VPS13A: variants seen among roughly 807,000 people sequenced by gnomAD.
VPS13A encodes the protein vacuolar protein sorting 13 homolog A.
In VPS13A, 264 loss-of-function variants were observed where a neutral mutation model predicts 390.9. That is an observed-to-expected ratio of 0.68 (90% CI 0.61 to 0.75). The LOEUF (loss-of-function observed/expected upper bound fraction) is 0.75. VPS13A is among the 30% of genes least tolerant of loss of function. VPS13A has a pLI of 0.00. For missense variants in VPS13A, 3,409 were observed against 3,733.9 expected, an observed-to-expected ratio of 0.91 and a Z score of 2.27; for synonymous variants, 1,231 against 1,227.1, an observed-to-expected ratio of 1.00 and a Z score of -0.07.
intron 26 of VPS13A, among the ~76,000 whole-genome samples, chr9:77,278,048 G>GT (rs1411404894): frequency 2.0e-5 from 3 of 151,734 alleles, no homozygotes; most frequent in Non-Finnish European, 4.4e-5. Flanking sequence ...CAGTTACTAA[G>GT]TTTTTTTTAT....
At chr9:77,327,728 T>A (rs1830083070) in intron 45 of VPS13A, among the ~76,000 whole-genome samples, 1 of 152,066 alleles carries the variant, frequency 6.6e-6, no homozygotes. Context: ...TTCATACTTT[T>A]CTCTCTAAAG....
chr9:77,323,486 A>T (rs745673055), intron 45 of VPS13A, among the ~76,000 whole-genome samples: 2 of 152,060 alleles, frequency 1.3e-5, no homozygotes, highest in Non-Finnish European at 2.9e-5. Flanking sequence ...ATAAATAGTC[A>T]TCAGTGTTTT....
chr9:77,301,895 T>A (rs1483264159), intron 33 of VPS13A, among the ~76,000 whole-genome samples: 1 of 152,128 alleles, frequency 6.6e-6, no homozygotes, highest in East Asian at 1.9e-4. Context: ...CCTAAATCAG[T>A]GAGTTAAAAT....
At chr9:77,409,467 G>A (rs553977290) in intron 71 of VPS13A, among the ~76,000 whole-genome samples, 1 of 152,212 alleles carries the variant, frequency 6.6e-6, no homozygotes, top group African/African-American at 2.4e-5. Context: ...TTGACAAGTT[G>A]AGAGAAGAAG....
intron 71 of VPS13A, among the ~76,000 whole-genome samples, chr9:77,411,519 C>T (rs1463340896): frequency 7.3e-5 from 11 of 151,712 alleles, no homozygotes; most frequent in Admixed American, 3.9e-4. Context: ...AAAAATTAGC[C>T]GGGCGAGGTG....
Position 77,321,546 on chromosome 9 carries a change from C to T in VPS13A, c.5630C>T (p.Pro1877Leu). 1 of 1,613,476 alleles carries T rather than the reference C, an allele frequency of 6.2e-7. No individual in the cohort carries two copies. The highest frequency in any genetic ancestry group is 8.5e-7 in the Non-Finnish European group (1 of 1,179,616). The change falls in exon 44 of 72, where the codon CCA becomes CTA. Residue 1877 changes from proline to leucine, a missense_variant. Pro to Leu is a moderately conservative substitution (Grantham distance 98). This residue lies in a region of VPS13A where 2,717 missense variants were observed against 2,917.4 expected (regional missense o/e 0.93). Coordinates refer to ENST00000360280, the MANE Select transcript of VPS13A (RefSeq NM_033305.3). ...GCTGACTTCGTAAAGGATCTAGCAC[C>T]ATTTATGATTTTAAATTCCCTTGGA... ...SSADFVKDLA[P>L]FMILNSLGLT...
At chr9:77,178,113 G>A (rs529398743) in intron 1 of VPS13A, 231 of 354,100 alleles carry the variant, frequency 6.5e-4, no homozygotes, top group African/African-American at 4.8e-3. Flanking sequence ...GCGAGGGGCC[G>A]TTCTCTACCC....
chr9:77,412,086 A>G (rs992706690), intron 71 of VPS13A, among the ~76,000 whole-genome samples: 1 of 152,212 alleles, frequency 6.6e-6, no homozygotes. Context: ...AGGCTCTGAA[A>G]TTGAGGCAAT....
rs1832726920 is a variant in VPS13A, at chr9:77,371,164, G to A, written c.9077+15G>A. The A allele has an allele frequency of 6.2e-7, 1 of 1,613,798 alleles. No homozygotes were observed. The highest frequency in any genetic ancestry group is 8.5e-7 in the Non-Finnish European group (1 of 1,179,862). On this transcript the variant is annotated intron_variant, in intron 67 of 71. Coordinates refer to ENST00000360280, the MANE Select transcript of VPS13A (RefSeq NM_033305.3). ...GGAATAAAAAGGTAAATCCTCTTTGGTGTAAGATATGAGTTAAAATGCTGA... is the reference window on the plus strand; with the variant it reads ...GGAATAAAAAGGTAAATCCTCTTTGATGTAAGATATGAGTTAAAATGCTGA...
Position 77,323,056 on chromosome 9 carries a change from A to G in VPS13A, c.5831-11A>G, listed in dbSNP as rs1829832469. Reference sequence around the variant, plus strand: ...ATAATAAAAACTTTTAAACATACTTACTTAATTTAGCACCTGTTAACCATT... The same window carrying G: ...ATAATAAAAACTTTTAAACATACTTGCTTAATTTAGCACCTGTTAACCATT... On this transcript the variant is annotated splice_polypyrimidine_tract_variant and intron_variant, in intron 44 of 71. Transcript: ENST00000360280. The G allele has an allele frequency of 6.2e-7, 1 of 1,600,466 alleles. No homozygotes were observed.
At chr9:77,313,536 A>C (rs1231443116) in intron 35 of VPS13A, among the ~76,000 whole-genome samples, 2 of 152,190 alleles carry the variant, frequency 1.3e-5, no homozygotes, top group African/African-American at 4.8e-5. Context: ...TAATGCCTTG[A>C]TTCAAAATTC....
chr9:77,178,384 C>T (rs1434254013), intron 1 of VPS13A, among the ~76,000 whole-genome samples: 2 of 152,260 alleles, frequency 1.3e-5, no homozygotes, highest in Admixed American at 6.5e-5. Context: ...AGGACCCGGA[C>T]GCCGGCTCTC....
chr9:77,391,804 A>C (rs1362350631), intron 68 of VPS13A, among the ~76,000 whole-genome samples: 1 of 152,226 alleles, frequency 6.6e-6, no homozygotes, highest in African/African-American at 2.4e-5. Context: ...ATAGATATAT[A>C]AAATTGAATT....
At chr9:77,339,209 T>C (rs552261620) in intron 47 of VPS13A, 74 of 308,592 alleles carry the variant, frequency 2.4e-4, no homozygotes, top group Non-Finnish European at 8.3e-5. Context: ...GTTTTACCAA[T>C]TATAGTGTTT....
intron 6 of VPS13A, 108 bp downstream of exon 6, chr9:77,209,640 A>G (rs1335350423): frequency 6.9e-6 from 5 of 724,302 alleles, no homozygotes; most frequent in Non-Finnish European, 7.1e-6. Context: ...CCAAAAGGTT[A>G]CAGAGCTAAA....
chr9:77,290,349 A>T (rs1269286159), intron 31 of VPS13A, among the ~76,000 whole-genome samples: 1 of 151,890 alleles, frequency 6.6e-6, no homozygotes, highest in Non-Finnish European at 1.5e-5. Flanking sequence ...TGCTTTCAGG[A>T]TTTATATATG....
intron 23 of VPS13A, among the ~76,000 whole-genome samples, chr9:77,261,103 C>A (rs1178167596): frequency 6.6e-6 from 1 of 151,752 alleles, no homozygotes; most frequent in Non-Finnish European, 1.5e-5. Context: ...GTTTCACCAT[C>A]TTGGCCAGGC....
chr9:77,245,651 T>C (rs1824763795), intron 19 of VPS13A, among the ~76,000 whole-genome samples: 1 of 152,166 alleles, frequency 6.6e-6, no homozygotes, highest in African/African-American at 2.4e-5. Context: ...TTTTTCTTCC[T>C]CTCTCTACTA....
intron 1 of VPS13A, among the ~76,000 whole-genome samples, chr9:77,184,600 CAG>C (rs1051266817): frequency 1.2e-4 from 19 of 152,214 alleles, no homozygotes; most frequent in Admixed American, 1.2e-3. Context: ...GCCTAGGTGA[CAG>C]AGCAAGACTC....
Sources: gnomAD v4.1 joint callset for allele counts (sites outside exome capture counted in the v4.1 genomes callset) on GRCh38, gnomAD v4.1.1 for gene constraint, gnomAD v4.1.1 regional missense constraint, MANE v1.5 for transcripts, NCBI Gene and HGNC (gene_info 2026-07-23, HGNC 2026-07-21) for gene names.